ATF6: variants seen among roughly 807,000 people sequenced by gnomAD.
ATF6 encodes the protein cyclic AMP-dependent transcription factor ATF-6 alpha.
In ATF6, 53 loss-of-function variants were observed where a neutral mutation model predicts 83.6. The observed-to-expected ratio is 0.63, with a 90% CI of 0.51 to 0.80. The LOEUF is 0.80. Ranked by LOEUF, ATF6 falls within the 30% of genes least tolerant of loss-of-function variation. The probability of loss-of-function intolerance (pLI) is 0.00; values close to 1 mark genes in which losing one functional copy is unlikely to be tolerated. For synonymous variants in ATF6, 288 were observed against 285.8 expected, an observed-to-expected ratio of 1.01 and a Z score of -0.08; for missense variants, 744 against 797.9, an observed-to-expected ratio of 0.93 and a Z score of 0.81.
At chr1:161,800,949 A>AT (rs1685129657) in intron 6 of ATF6, among the ~76,000 whole-genome samples, 1 of 152,120 alleles carries the variant, frequency 6.6e-6, no homozygotes, top group African/African-American at 2.4e-5. Flanking sequence ...CCCATCACAC[A>AT]TTTTTACCAT....
intron 14 of ATF6, among the ~76,000 whole-genome samples, chr1:161,882,292 A>AT (rs1491266206): frequency 1.3e-5 from 2 of 152,172 alleles, no homozygotes; most frequent in Non-Finnish European, 2.9e-5. Context: ...GTAGCAGAAG[A>AT]TATTGCCAAA....
chr1:161,804,678 C>T (rs990981208), intron 7 of ATF6, among the ~76,000 whole-genome samples: 1 of 148,146 alleles, frequency 6.8e-6, no homozygotes, highest in Non-Finnish European at 1.5e-5. Context: ...ACCCCCCTGC[C>T]TTTTTTTTTT....
chr1:161,819,667 A>G lies in ATF6; in HGVS notation c.944A>G (p.Lys315Arg). 1 of 1,610,018 alleles carries G rather than the reference A, an allele frequency of 6.2e-7. No individual in the cohort carries two copies. Among genetic ancestry groups the G allele is most frequent in the Non-Finnish European group, 8.5e-7 (1 of 1,178,384 alleles). Reference protein sequence around the residue: ...AVLRRQQRMIKNRESACQSRK... With the variant: ...AVLRRQQRMIRNRESACQSRK... Reference sequence around the variant, plus strand: ...CTAAGGAGACAGCAACGTATGATAAAAAATCGAGAATCCGCTTGTCAGTCT... The same window carrying G: ...CTAAGGAGACAGCAACGTATGATAAGAAATCGAGAATCCGCTTGTCAGTCT... Residue 315 changes from lysine (K) to arginine (R), a missense_variant, in exon 8 of 16, where the codon AAA (lysine) becomes AGA (arginine). Transcript: ENST00000367942.
chr1:161,781,735 A>T (rs1371435477), intron 2 of ATF6, among the ~76,000 whole-genome samples, 177 bp from the exon 3 acceptor site: 1 of 152,162 alleles, frequency 6.6e-6, no homozygotes, highest in Non-Finnish European at 1.5e-5. Flanking sequence ...AACTGAATTG[A>T]TTTTATCTCT....
intron 2 of ATF6, among the ~76,000 whole-genome samples, chr1:161,781,294 T>G (rs1195316228): frequency 6.6e-6 from 1 of 152,150 alleles, no homozygotes; most frequent in Non-Finnish European, 1.5e-5. Flanking sequence ...TTAGTTTTAT[T>G]TTATAGGATT....
At chr1:161,804,650 T>C (rs968918416) in intron 7 of ATF6, among the ~76,000 whole-genome samples, 1 of 149,044 alleles carries the variant, frequency 6.7e-6, no homozygotes, top group Non-Finnish European at 1.5e-5. Context: ...ATCATTGTAT[T>C]TAAAAACCAG....
intron 15 of ATF6, 68 bp from the exon 16 acceptor site, chr1:161,958,378 G>T: frequency 6.8e-7 from 1 of 1,465,296 alleles, no homozygotes. Flanking sequence ...TATTTCTGGG[G>T]CTGAAGCTTA....
At chr1:161,797,978 A>G (rs1349964379) in intron 6 of ATF6, among the ~76,000 whole-genome samples, 1 of 152,182 alleles carries the variant, frequency 6.6e-6, no homozygotes, top group East Asian at 1.9e-4. Flanking sequence ...AGGCACATAG[A>G]CCGATGGATT....
intron 9 of ATF6, among the ~76,000 whole-genome samples, chr1:161,831,994 C>T (rs1203326127): frequency 6.8e-6 from 1 of 146,280 alleles, no homozygotes; most frequent in African/African-American, 2.5e-5. Context: ...GCCAGTTGAA[C>T]ATGAGCACAT....
At chr1:161,949,885 A>G (rs191490774) in intron 15 of ATF6, among the ~76,000 whole-genome samples, 18 of 152,296 alleles carry the variant, frequency 1.2e-4, no homozygotes, top group Admixed American at 3.3e-4. Flanking sequence ...GGAGGGGACA[A>G]ATATCCAAAT....
chr1:161,867,341 G>A (rs937280927), intron 14 of ATF6, among the ~76,000 whole-genome samples: 1 of 152,036 alleles, frequency 6.6e-6, no homozygotes, highest in African/African-American at 2.4e-5. Flanking sequence ...GAGGGAGGGA[G>A]GAGGTTGATT....
At chr1:161,773,034 C>T (rs1394656468) in intron 1 of ATF6, among the ~76,000 whole-genome samples, 1 of 138,056 alleles carries the variant, frequency 7.2e-6, no homozygotes, top group East Asian at 2.2e-4. Context: ...ATGGCACGAT[C>T]TTGGCTCACT....
chr1:161,774,520 TCTTGCATGCC>T (rs575107218), intron 1 of ATF6, among the ~76,000 whole-genome samples: 184 of 152,244 alleles, frequency 1.2e-3, no homozygotes, highest in African/African-American at 4.2e-3. Flanking sequence ...TGCAAAGAAC[TCTTGCATGCC>T]TTTTACACAG....
rs565216715 is a variant in ATF6 at position 161,916,487 on chromosome 1, G to T, written c.1804+4107G>T. Among the ~76,000 whole-genome samples the T allele has an allele frequency of 1.4e-4, 22 of 152,140 alleles. 1 individual carries two copies. In the South Asian group the frequency reaches 4.6e-3, roughly 32 times the overall value. On this transcript the variant is annotated intron_variant, in intron 15 of 15. Coordinates refer to ENST00000367942, the MANE Select transcript of ATF6 (RefSeq NM_007348.4). ...TTTGAAAATACATCTGCTATAGAAA[G>T]GACTTTCTCTTGCATAACCACAATA...
At chr1:161,878,294 T>C (rs990174855) in intron 14 of ATF6, among the ~76,000 whole-genome samples, 1 of 152,018 alleles carries the variant, frequency 6.6e-6, no homozygotes, top group African/African-American at 2.4e-5. Context: ...TTGTATGTTT[T>C]AGTAGAGATA....
intron 9 of ATF6, among the ~76,000 whole-genome samples, chr1:161,839,107 G>A (rs935724221): frequency 1.3e-5 from 2 of 152,108 alleles, no homozygotes; most frequent in African/African-American, 4.8e-5. Flanking sequence ...TTGTGGGTTA[G>A]TTTCCCTAAA....
chr1:161,796,433 T>C (rs1030077683), intron 6 of ATF6, among the ~76,000 whole-genome samples: 2 of 152,208 alleles, frequency 1.3e-5, no homozygotes, highest in Non-Finnish European at 2.9e-5. Context: ...AAGTCAGTGG[T>C]TCTCAGTCTG....
At chr1:161,798,651 A>G (rs910997978) in intron 6 of ATF6, among the ~76,000 whole-genome samples, 4 of 152,164 alleles carry the variant, frequency 2.6e-5, no homozygotes, top group African/African-American at 9.7e-5. Flanking sequence ...AGCAAAAGAA[A>G]CTATCAACAG....
intron 15 of ATF6, among the ~76,000 whole-genome samples, chr1:161,928,131 A>G (rs954304894): frequency 6.6e-6 from 1 of 152,326 alleles, no homozygotes; most frequent in Non-Finnish European, 1.5e-5. Context: ...TTTACAGCTG[A>G]GATAACTGAG....
Sources: gnomAD v4.1 joint callset for allele counts (sites outside exome capture counted in the v4.1 genomes callset) on GRCh38, gnomAD v4.1.1 for gene constraint, MANE v1.5 for transcripts, NCBI Gene and HGNC (gene_info 2026-07-23, HGNC 2026-07-21) for gene names.